The following PRKCA variants were observed in gnomAD, a reference collection of about 807,000 sequenced individuals.
The protein encoded by PRKCA is protein kinase C alpha.
In PRKCA, 27 loss-of-function variants were observed where a neutral mutation model predicts 87.0. That is an observed-to-expected ratio of 0.31 (90% CI 0.23 to 0.43). PRKCA has a LOEUF of 0.43. Among genes scored for constraint, PRKCA ranks in the 20% least tolerant of loss-of-function variants. The pLI is 1.00. For synonymous variants in PRKCA, 329 were observed against 311.1 expected (o/e 1.06, Z -0.61); for missense variants, 518 against 852.3 (o/e 0.61, Z 4.88).
At chr17:66,626,284 C>A (rs907700770) in intron 3 of PRKCA, among the ~76,000 whole-genome samples, 5 of 151,364 alleles carry the variant, frequency 3.3e-5, no homozygotes, top group Non-Finnish European at 7.4e-5. Flanking sequence ...GCCTCCCAGG[C>A]TCAAGCAATC....
At chr17:66,532,440 A>T (rs1967585810) in intron 3 of PRKCA, among the ~76,000 whole-genome samples, 1 of 151,520 alleles carries the variant, frequency 6.6e-6, no homozygotes, top group African/African-American at 2.4e-5. Flanking sequence ...ATCTTGGCTC[A>T]CTGCAGCTTC....
intron 13 of PRKCA, among the ~76,000 whole-genome samples, chr17:66,747,434 G>A (rs1339739157): frequency 2.0e-5 from 3 of 152,198 alleles, no homozygotes; most frequent in Non-Finnish European, 4.4e-5. Context: ...TATGGCGGGG[G>A]CTACGTTAGA....
intron 2 of PRKCA, among the ~76,000 whole-genome samples, chr17:66,340,904 A>C (rs1907004485): frequency 6.6e-6 from 1 of 152,124 alleles, no homozygotes; most frequent in Non-Finnish European, 1.5e-5. Flanking sequence ...AGTTATTGTC[A>C]AAAGCTGCGA....
chr17:66,768,261 T>TG (rs373314062), intron 13 of PRKCA, among the ~76,000 whole-genome samples: 29,815 of 127,688 alleles, frequency 0.23, 3,258 homozygotes, highest in East Asian at 0.31. Context: ...TTTTTTTTTT[T>TG]GGGGGGGAGA....
At chr17:66,490,997 A>G (rs1916220897) in intron 2 of PRKCA, among the ~76,000 whole-genome samples, 1 of 152,222 alleles carries the variant, frequency 6.6e-6, no homozygotes, top group Non-Finnish European at 1.5e-5. Context: ...CATAAGCAAG[A>G]TTAGCAAGGA....
rs144599060 is a variant in PRKCA, at chr17:66,594,641, G to A, written c.289-46714G>A. On this transcript the variant is annotated intron_variant, in intron 3 of 16. Transcript: ENST00000413366. ...TTTTTAATTTATTTGTTTGTTTTTGGCACATTTACAGTTAAATTCCCCAGA... is the reference window on the plus strand; with the variant it reads ...TTTTTAATTTATTTGTTTGTTTTTGACACATTTACAGTTAAATTCCCCAGA... 9.9e-5 allele frequency among the ~76,000 whole-genome samples: 15 copies of A among 151,934 alleles called. 2 individuals are homozygous for A. In the East Asian group the frequency reaches 2.9e-3, roughly 29 times the overall value.
At chr17:66,717,574 T>C (rs1163829928) in intron 8 of PRKCA, among the ~76,000 whole-genome samples, 1 of 152,226 alleles carries the variant, frequency 6.6e-6, no homozygotes, top group African/African-American at 2.4e-5. Flanking sequence ...TCTGTCATCC[T>C]CCTGCTGTTA....
intron 13 of PRKCA, among the ~76,000 whole-genome samples, chr17:66,750,538 C>T (rs538431093): frequency 6.6e-6 from 1 of 152,246 alleles, no homozygotes; most frequent in East Asian, 1.9e-4. Flanking sequence ...TCATAATTCT[C>T]CCCGCCTTGG....
intron 5 of PRKCA, among the ~76,000 whole-genome samples, chr17:66,654,154 G>A (rs1304744216): frequency 6.6e-6 from 1 of 152,158 alleles, no homozygotes; most frequent in African/African-American, 2.4e-5. Context: ...CTAGCCAGGG[G>A]ACCCTTATTA....
chr17:66,787,850 G>T (rs1402381869), intron 15 of PRKCA, among the ~76,000 whole-genome samples: 3 of 152,082 alleles, frequency 2.0e-5, no homozygotes, highest in African/African-American at 7.2e-5. Context: ...TGAGGATTTT[G>T]TCTGCATTGC....
rs1274196542 is a variant in PRKCA, at chr17:66,810,118, C to T, written c.*6081C>T. On this transcript the variant is annotated 3_prime_UTR_variant, in exon 17 of 17. Transcript: ENST00000413366. ...AGGTGTCAAGTCCACTTTATAAGAA[C>T]CTTTTTTTCTAAAATAAGATAAAAG... is the stretch of plus-strand genomic sequence containing the variant. The T allele has an allele frequency of 6.6e-6, 1 of 152,172 alleles. No homozygotes were observed. The highest frequency in any genetic ancestry group is 1.9e-4 in the East Asian group (1 of 5,204). The allele number at this position is 152,172 out of a possible 1,614,324, so 9.4% of individuals were successfully genotyped here. A position where few individuals can be genotyped will look rare whatever the true frequency, so the allele number is the denominator to read the frequency against.
At chr17:66,486,453 C>T (rs1915992891) in intron 2 of PRKCA, among the ~76,000 whole-genome samples, 1 of 152,142 alleles carries the variant, frequency 6.6e-6, no homozygotes, top group Non-Finnish European at 1.5e-5. Context: ...ACATCCCATT[C>T]TTATCTTTTC....
chr17:66,471,941 C>T lies in PRKCA; in HGVS notation c.206-24260C>T, dbSNP rs1915344860. On this transcript the variant is annotated intron_variant, in intron 2 of 16. Coordinates refer to ENST00000413366, the MANE Select transcript of PRKCA (RefSeq NM_002737.3). ...TAGAAGCAGAAGATTCAAAATTTGA[C>T]CAATCAGTTTGATCAAGTTTAATTT... 1.3e-5 allele frequency among the ~76,000 whole-genome samples: 2 copies of T among 152,090 alleles called. 1 individual carries two copies. The highest frequency in any genetic ancestry group is 4.1e-4 in the South Asian group (2 of 4,820).
intron 2 of PRKCA, among the ~76,000 whole-genome samples, chr17:66,492,238 G>A (rs1004669758): frequency 3.9e-5 from 6 of 152,194 alleles, no homozygotes; most frequent in African/African-American, 1.4e-4. Flanking sequence ...GTTAAGGCAG[G>A]TTGGGAGGAA....
chr17:66,566,010 G>T (rs551801751), intron 3 of PRKCA, among the ~76,000 whole-genome samples: 2 of 152,280 alleles, frequency 1.3e-5, no homozygotes, highest in South Asian at 4.2e-4. Context: ...ACACCTGCCA[G>T]CTGTTTGTGA....
At chr17:66,638,120 ATATATG>A (rs1253317139) in intron 3 of PRKCA, among the ~76,000 whole-genome samples, 1 of 134,176 alleles carries the variant, frequency 7.5e-6, no homozygotes, top group African/African-American at 2.7e-5. Flanking sequence ...ATATATATAT[ATATATG>A]TGTGTGTGTG....
At chr17:66,783,532 G>C (rs779335476) in intron 14 of PRKCA, among the ~76,000 whole-genome samples, 1 of 152,166 alleles carries the variant, frequency 6.6e-6, no homozygotes, top group African/African-American at 2.4e-5. Flanking sequence ...ATGAGCATAC[G>C]TGGGGACAGC....
At chr17:66,333,052 C>G (rs1906447969) in intron 2 of PRKCA, among the ~76,000 whole-genome samples, 3 of 152,176 alleles carry the variant, frequency 2.0e-5, no homozygotes, top group Admixed American at 2.0e-4. Context: ...TTATAGGACG[C>G]TTAAGTGTTC....
intron 3 of PRKCA, among the ~76,000 whole-genome samples, chr17:66,615,571 A>G (rs1009879966): frequency 4.6e-5 from 7 of 152,102 alleles, no homozygotes; most frequent in African/African-American, 1.7e-4. Context: ...GAAAATGAAT[A>G]ATTTACCTCT....
Sources: allele counts gnomAD v4.1 joint callset (sites outside exome capture counted in the v4.1 genomes callset), GRCh38; gene constraint gnomAD v4.1.1; transcripts MANE v1.5; gene names NCBI Gene and HGNC (gene_info 2026-07-23, HGNC 2026-07-21).